The following TEX36 variants were observed in gnomAD, a reference collection of about 807,000 sequenced individuals.
TEX36 encodes testis expressed 36.
Under a neutral mutation model 13.6 loss-of-function variants are expected in TEX36, and 12 were observed. The ratio of observed to expected loss-of-function variants is 0.88; its 90% CI spans 0.56 to 1.43. The LOEUF is 1.43. Ranked by LOEUF, TEX36 falls within the 40% of genes most tolerant of loss-of-function variation. The probability of loss-of-function intolerance (pLI) is 0.00; values close to 1 mark genes in which losing one functional copy is unlikely to be tolerated. For missense variants in TEX36, 224 were observed against 228.3 expected, an observed-to-expected ratio of 0.98 and a Z score of 0.12; for synonymous variants, 93 against 83.0, an observed-to-expected ratio of 1.12 and a Z score of -0.65.
chr10:125,585,224 G>A (rs113769673), intron 3 of TEX36, among the ~76,000 whole-genome samples: 2 of 152,170 alleles, frequency 1.3e-5, no homozygotes, highest in African/African-American at 2.4e-5. Flanking sequence ...GAGGGGCTGC[G>A]AGGAGGAGCT....
intron 3 of TEX36, among the ~76,000 whole-genome samples, chr10:125,601,745 G>A (rs1565171494): frequency 6.6e-6 from 1 of 152,160 alleles, no homozygotes; most frequent in Non-Finnish European, 1.5e-5. Context: ...TTATATCTGA[G>A]TTGTGACCCT....
chr10:125,618,294 G>A (rs1323231202), downstream of TEX36, among the ~76,000 whole-genome samples: 2 of 152,234 alleles, frequency 1.3e-5, no homozygotes, highest in African/African-American at 4.8e-5. Flanking sequence ...GCTCATCAAA[G>A]TCATTCTCCA....
At position 125,625,486 on chromosome 10, in the gene TEX36, A is replaced by T. The variant is rs995417225; in HGVS notation, c.265-3841T>A. On this transcript the variant is annotated intron_variant, in intron 3 of 3. Coordinates refer to the TEX36 transcript ENST00000526819. ...GATCAGTTCATAGTTTAGTCTAAAA[A>T]TGTTAGTTTCCATCTGGGGGTTGGC... 8.5e-5 allele frequency among the ~76,000 whole-genome samples: 13 copies of T among 152,326 alleles called. 1 individual carries two copies. The highest frequency in any genetic ancestry group is 5.9e-4 in the Admixed American group (9 of 15,290).
At chr10:125,597,894 C>T (rs935614374) in intron 3 of TEX36, among the ~76,000 whole-genome samples, 9 of 152,354 alleles carry the variant, frequency 5.9e-5, no homozygotes, top group African/African-American at 2.2e-4. Context: ...ATCCCAAACA[C>T]TTTGTGACTC....
intron 3 of TEX36, among the ~76,000 whole-genome samples, chr10:125,604,005 C>G (rs1372892285): frequency 6.6e-6 from 1 of 152,144 alleles, no homozygotes; most frequent in Non-Finnish European, 1.5e-5. Context: ...CCCCCGGGAC[C>G]CGAGAAGCTC....
downstream of TEX36, among the ~76,000 whole-genome samples, chr10:125,654,103 T>C (rs1425553503): frequency 1.3e-5 from 2 of 152,196 alleles, no homozygotes; most frequent in African/African-American, 4.8e-5. Context: ...ATTATCACTT[T>C]TATGAATGAT....
intron 3 of TEX36, among the ~76,000 whole-genome samples, chr10:125,586,655 A>AAAAAAAAAAAT (rs1565167270): frequency 6.7e-6 from 1 of 149,470 alleles, no homozygotes. Context: ...AAAAAAAAAA[A>AAAAAAAAAAAT]AATTAGCCAG....
chr10:125,636,384 T>A (rs183637350), intron 3 of TEX36, among the ~76,000 whole-genome samples: 5,961 of 150,916 alleles, frequency 0.039, 163 homozygotes, highest in African/African-American at 0.053. Context: ...TTTTTTTTTT[T>A]TATATATTTT....
chr10:125,594,408 T>C (rs908915692), intron 3 of TEX36, among the ~76,000 whole-genome samples: 1 of 152,218 alleles, frequency 6.6e-6, no homozygotes, highest in Admixed American at 6.5e-5. Flanking sequence ...GGATCTTTCA[T>C]ACTGATGAAA....
intron 3 of TEX36, among the ~76,000 whole-genome samples, chr10:125,622,806 C>T (rs1030583568): frequency 1.3e-5 from 2 of 152,192 alleles, no homozygotes; most frequent in Non-Finnish European, 2.9e-5. Flanking sequence ...ATCACCCCAA[C>T]CAACACTGGA....
Position 125,661,841 on chromosome 10 carries a change from C to G in TEX36, c.183+5G>C, listed in dbSNP as rs777907804. The G allele has an allele frequency of 2.1e-5, 32 of 1,551,678 alleles. No homozygotes were observed. Among genetic ancestry groups the G allele is most frequent in the Non-Finnish European group, 2.7e-5 (31 of 1,146,996 alleles). On this transcript the variant is annotated splice_donor_5th_base_variant and intron_variant, in intron 2 of 3. Transcript: ENST00000368821. ...ACATGGCAGTGGCCAGTGTTCAGGA[C>G]TCACCTTCTCCCGGACTTTGTATAT... is the stretch of plus-strand genomic sequence containing the variant.
intron 3 of TEX36, among the ~76,000 whole-genome samples, chr10:125,649,701 C>A (rs1225654415): frequency 1.3e-5 from 2 of 152,080 alleles, no homozygotes; most frequent in South Asian, 2.1e-4. Flanking sequence ...CACAGACTGG[C>A]AAATTGGATA....
chr10:125,617,557 G>T (rs2133556806), downstream of TEX36, among the ~76,000 whole-genome samples: 1 of 152,208 alleles, frequency 6.6e-6, no homozygotes, highest in African/African-American at 2.4e-5. Context: ...GCTTAGTTTG[G>T]CTGGATATGA....
At chr10:125,577,094 G>T (rs1845833769) in intron 3 of TEX36, among the ~76,000 whole-genome samples, 1 of 152,194 alleles carries the variant, frequency 6.6e-6, no homozygotes. Flanking sequence ...CTATCTCTCT[G>T]ACTGGAAGGA....
intron 3 of TEX36, among the ~76,000 whole-genome samples, chr10:125,648,729 G>A (rs975588630): frequency 9.9e-5 from 15 of 152,104 alleles, no homozygotes; most frequent in East Asian, 1.9e-4. Context: ...GAGAATGTTC[G>A]AACCCATCGC....
At chr10:125,630,639 G>A (rs769523760) in intron 3 of TEX36, among the ~76,000 whole-genome samples, 4 of 152,150 alleles carry the variant, frequency 2.6e-5, no homozygotes, top group African/African-American at 4.8e-5. Flanking sequence ...GGGGAAATGC[G>A]AGTTATTCGG....
rs117524985 is a variant in TEX36 at position 125,598,110 on chromosome 10, G to A, written c.265-21236C>T. Reference sequence around the variant, plus strand: ...CTAAGAGGGGTCCCTGCTAGGGTCTGTGGGCCACCTGCAAATATGATTCTA... The same window carrying A: ...CTAAGAGGGGTCCCTGCTAGGGTCTATGGGCCACCTGCAAATATGATTCTA... On this transcript the variant is annotated intron_variant, in intron 3 of 3. Transcript: ENST00000532135. Among the ~76,000 whole-genome samples, 1,333 of 152,266 alleles carry A rather than the reference G, an allele frequency of 8.8e-3. 5 individuals are homozygous for A. The highest frequency in any genetic ancestry group is 0.023 in the Admixed American group (348 of 15,302).
At chr10:125,594,011 G>C (rs900357347) in intron 3 of TEX36, among the ~76,000 whole-genome samples, 1 of 152,218 alleles carries the variant, frequency 6.6e-6, no homozygotes, top group African/African-American at 2.4e-5. Context: ...ACACGGAGTA[G>C]CACAGGAGAC....
At chr10:125,601,229 T>C (rs1425274029) in intron 3 of TEX36, among the ~76,000 whole-genome samples, 3 of 152,262 alleles carry the variant, frequency 2.0e-5, no homozygotes, top group Non-Finnish European at 4.4e-5. Flanking sequence ...TTTTAATTAA[T>C]AATCACATTT....
Sources: gnomAD v4.1 joint callset for allele counts (sites outside exome capture counted in the v4.1 genomes callset) on GRCh38, gnomAD v4.1.1 for gene constraint, MANE v1.5 for transcripts, NCBI Gene and HGNC (gene_info 2026-07-23, HGNC 2026-07-21) for gene names.